Variants in PTGER2 observed in about 807,000 individuals in gnomAD.
The protein encoded by PTGER2 is prostaglandin E2 receptor EP2 subtype.
A neutral mutation model predicts 26.2 loss-of-function variants in PTGER2; 22 were observed. That is an observed-to-expected ratio of 0.84 (90% CI 0.60 to 1.20). The LOEUF (loss-of-function observed/expected upper bound fraction) is 1.20. Among genes scored for constraint, PTGER2 ranks in the 50% most tolerant of loss-of-function variants. PTGER2 has a pLI of 0.00. For synonymous variants in PTGER2, 219 were observed against 208.9 expected, an observed-to-expected ratio of 1.05 and a Z score of -0.42; for missense variants, 458 against 475.2, an observed-to-expected ratio of 0.96 and a Z score of 0.34.
intron 1 of PTGER2, among the ~76,000 whole-genome samples, chr14:52,323,956 G>C (rs1378665271): frequency 1.3e-5 from 2 of 152,162 alleles, no homozygotes; most frequent in Non-Finnish European, 2.9e-5. Flanking sequence ...GAATATCACT[G>C]ACATATTATT....
In PTGER2 at chr14:52,327,271, C is replaced by A. The variant is rs777059050; in HGVS notation, c.894C>A (p.Leu298=). The part of the protein sequence containing the change: ...ETSSRKEKWD[L]QALRFLSINS... ...CTTCCCGAAAGGAAAAATGGGACCT[C>A]CAAGCTCTTAGGTTTTTATCAATTA... Residue 298 remains leucine, a synonymous_variant, in exon 2 of 2, where the codon CTC becomes CTA. Coordinates refer to ENST00000245457, the MANE Select transcript of PTGER2 (RefSeq NM_000956.4). The A allele has an allele frequency of 2.5e-6, 4 of 1,613,674 alleles. No homozygotes were observed. The highest frequency in any genetic ancestry group is 3.4e-6 in the Non-Finnish European group (4 of 1,179,696).
In PTGER2 at chr14:52,315,064, G is replaced by A. The variant is rs2033821843; in HGVS notation, c.516G>A (p.Leu172=). ...AVSLLFCSLP[L]LDYGQYVQYC... Reference sequence around the variant, plus strand: ...CCCTGCTCTTCTGCTCGCTGCCGCTGCTGGACTATGGGCAGTACGTCCAGT... The same window carrying A: ...CCCTGCTCTTCTGCTCGCTGCCGCTACTGGACTATGGGCAGTACGTCCAGT... Residue 172 remains leucine, a synonymous_variant, in exon 1 of 2, where the codon CTG becomes CTA. Coordinates refer to ENST00000245457, the MANE Select transcript of PTGER2 (RefSeq NM_000956.4). The A allele has an allele frequency of 6.2e-7, 1 of 1,612,408 alleles. No homozygotes were observed. Among genetic ancestry groups the A allele is most frequent in the African/African-American group, 1.3e-5 (1 of 75,054 alleles).
intron 1 of PTGER2, among the ~76,000 whole-genome samples, chr14:52,323,915 A>T (rs959245607): frequency 6.6e-6 from 1 of 152,242 alleles, no homozygotes; most frequent in Non-Finnish European, 1.5e-5. Context: ...AAAGATGGAT[A>T]ACTTCTACCA....
chr14:52,319,462 G>A (rs1381404668), intron 1 of PTGER2, among the ~76,000 whole-genome samples: 1 of 152,168 alleles, frequency 6.6e-6, no homozygotes, highest in East Asian at 1.9e-4. Context: ...ACATTATTTT[G>A]GCTGCCCAGT....
At position 52,327,514 on chromosome 14, in the gene PTGER2, C is replaced by T; in HGVS notation, c.*60C>T. 2 of 1,374,788 alleles carry T rather than the reference C, an allele frequency of 1.5e-6. No individual in the cohort carries two copies. The highest frequency in any genetic ancestry group is 2.5e-5 in the South Asian group (2 of 78,442). The allele number at this position is 1,374,788 out of a possible 1,614,324, so 85.2% of individuals were successfully genotyped here. On this transcript the variant is annotated 3_prime_UTR_variant, in exon 2 of 2. Coordinates refer to ENST00000245457, the MANE Select transcript of PTGER2 (RefSeq NM_000956.4). ...TCTGGAAGATCATTTTGAAATTGTT[C>T]CTTGGAGAAATGAAAACAGTGTGTA... is the stretch of plus-strand genomic sequence containing the variant.
Position 52,314,625 on chromosome 14 carries a change from C to G in PTGER2, c.77C>G (p.Ala26Gly), listed in dbSNP as rs767948522. Residue 26 changes from alanine to glycine, a missense_variant, in exon 1 of 2, where the codon GCC becomes GGC. Transcript: ENST00000245457. This position sits in a 1 kb window ranked among gnomAD's most constrained non-coding sequence, Gnocchi z 5.7. ...RQWLPPGESP[A>G]ISSVMFSAGV... ...TGGCTTCCCCCAGGCGAAAGCCCAG[C>G]CATCAGCTCCGTCATGTTCTCGGCC... 2.0e-6 allele frequency: 3 copies of G among 1,511,240 alleles called. No homozygotes were observed. Among genetic ancestry groups the G allele is most frequent in the Non-Finnish European group, 2.7e-6 (3 of 1,129,490 alleles). 93.6% of individuals were successfully genotyped at this position (1,511,240 alleles called of 1,614,324 possible).
chr14:52,316,248 G>A (rs1338838664), intron 1 of PTGER2, among the ~76,000 whole-genome samples: 1 of 152,184 alleles, frequency 6.6e-6, no homozygotes, highest in Non-Finnish European at 1.5e-5. Context: ...GCTACCTGGG[G>A]AACTGAAGGA....
rs376819687 is a variant in PTGER2 at position 52,314,755 on chromosome 14, G to A, written c.207G>A (p.Val69=). 1 of 1,603,448 alleles carries A rather than the reference G, an allele frequency of 6.2e-7. No homozygotes were observed. The highest frequency in any genetic ancestry group is 8.5e-7 in the Non-Finnish European group (1 of 1,172,802). Residue 69 remains valine (V), a synonymous_variant, in exon 1 of 2, where the codon GTG becomes GTA. Coordinates refer to ENST00000245457, the MANE Select transcript of PTGER2 (RefSeq NM_000956.4). The surrounding 1 kb of genome is among the most constrained non-coding windows in gnomAD (Gnocchi z 5.7). ...GGAGCTCCCTCTCCTTGTTCCACGT[G>A]CTGGTGACCGAGCTGGTGTTCACCG... ...GRRSSLSLFH[V]LVTELVFTDL... is the part of the protein sequence containing the mutation.
chr14:52,322,988 A>G (rs1013785179), intron 1 of PTGER2, among the ~76,000 whole-genome samples: 2 of 152,256 alleles, frequency 1.3e-5, no homozygotes, highest in African/African-American at 4.8e-5. Flanking sequence ...AGTTAACACA[A>G]ATATCATAGT....
intron 1 of PTGER2, among the ~76,000 whole-genome samples, chr14:52,324,566 T>C (rs1340557880): frequency 6.6e-6 from 1 of 152,226 alleles, no homozygotes; most frequent in African/African-American, 2.4e-5. Flanking sequence ...AAGAAGAATT[T>C]AAGATGTCAA....
rs145084700 is a variant in PTGER2 at position 52,316,792 on chromosome 14, G to A, written c.843+1401G>A. ...ACCCTTCTACCCCATCCTCTGTCAG[G>A]GCAGAAACTGTTCTGAATTGGTTAC... On this transcript the variant is annotated intron_variant, in intron 1 of 1. Coordinates refer to ENST00000245457, the MANE Select transcript of PTGER2 (RefSeq NM_000956.4). 2.7e-3 allele frequency among the ~76,000 whole-genome samples: 406 copies of A among 152,176 alleles called. 9 individuals carry two copies. Among genetic ancestry groups the A allele is most frequent in the Admixed American group, 0.024 (362 of 15,280 alleles).
chr14:52,323,668 A>G (rs1594638917), intron 1 of PTGER2, among the ~76,000 whole-genome samples: 1 of 152,348 alleles, frequency 6.6e-6, no homozygotes, highest in East Asian at 1.9e-4. Context: ...AGCGCAAAAG[A>G]ATAGTACCTG....
intron 1 of PTGER2, 65 bp downstream of exon 1, chr14:52,315,456 C>A: frequency 1.3e-6 from 2 of 1,577,604 alleles, no homozygotes; most frequent in South Asian, 2.3e-5. Flanking sequence ...TCCCCTGACG[C>A]CTCCACCCTT....
Position 52,327,429 on chromosome 14 carries a change from A to T in PTGER2, c.1052A>T (p.Asp351Val). 5 of 1,610,988 alleles carry T rather than the reference A, an allele frequency of 3.1e-6. No homozygotes were observed. Among genetic ancestry groups the T allele is most frequent in the Non-Finnish European group, 4.2e-6 (5 of 1,177,322 alleles). Residue 351 changes from aspartate to valine, a missense_variant, in exon 2 of 2, where the codon GAT becomes GTT. Asp to Val is a radical substitution (Grantham distance 152, BLOSUM62 -3). Transcript: ENST00000245457. ...CAAACTTCCTGTTCTACACAGTCAG[A>T]TGCCAGTAAACAGGCTGACCTTTGA... ...ATQTSCSTQSDASKQADL is the reference protein window; with the variant it reads ...ATQTSCSTQSVASKQADL
chr14:52,314,988 G>T lies in PTGER2; in HGVS notation c.440G>T (p.Arg147Leu). The change falls in exon 1 of 2, where the codon CGC becomes CTC. Residue 147 changes from arginine to leucine, a missense_variant. By Grantham distance (102) the Arg-to-Leu change is moderately radical (BLOSUM62 -2). Coordinates refer to ENST00000245457, the MANE Select transcript of PTGER2 (RefSeq NM_000956.4). This position sits in a 1 kb window ranked among gnomAD's most constrained non-coding sequence, Gnocchi z 5.7. ...GGGCACCCCTACTTCTACCAGCGCC[G>T]CGTCTCGCGCTCCGGGGGCCTGGCC... The part of the protein sequence containing the change: ...SIGHPYFYQR[R>L]VSRSGGLAVL... 1 of 1,613,382 alleles carries T rather than the reference G, an allele frequency of 6.2e-7. No individual in the cohort carries two copies. The highest frequency in any genetic ancestry group is 8.5e-7 in the Non-Finnish European group (1 of 1,180,016).
chr14:52,327,228 C>T lies in PTGER2; in HGVS notation c.851C>T (p.Ala284Val), dbSNP rs1231911645. Residue 284 changes from alanine to valine, a missense_variant, in exon 2 of 2, where the codon GCA becomes GTA. Physicochemically the swap from Ala to Val is moderately conservative, Grantham distance 64 (BLOSUM62 0). Coordinates refer to ENST00000245457, the MANE Select transcript of PTGER2 (RefSeq NM_000956.4). Reference protein sequence around the residue: ...AVCSLPFTIFAYMNETSSRKE... With the variant: ...AVCSLPFTIFVYMNETSSRKE... ...CCCCTTTGCTTCTTACAGATTTTTG[C>T]ATATATGAATGAAACCTCTTCCCGA... is the stretch of plus-strand genomic sequence containing the variant. 1.3e-6 allele frequency: 2 copies of T among 1,593,080 alleles called. No homozygotes were observed. The highest frequency in any genetic ancestry group is 1.3e-5 in the African/African-American group (1 of 74,304).
chr14:52,314,997 G>A lies in PTGER2; in HGVS notation c.449G>A (p.Arg150His). ...TACTTCTACCAGCGCCGCGTCTCGC[G>A]CTCCGGGGGCCTGGCCGTGCTGCCT... is the stretch of plus-strand genomic sequence containing the variant. ...HPYFYQRRVSRSGGLAVLPVI... is the reference protein window; with the variant it reads ...HPYFYQRRVSHSGGLAVLPVI... The change falls in exon 1 of 2, where the codon CGC (arginine) becomes CAC (histidine). Residue 150 changes from arginine (R) to histidine (H), a missense_variant. By Grantham distance (29) the Arg-to-His change is conservative (BLOSUM62 0). Coordinates refer to ENST00000245457, the MANE Select transcript of PTGER2 (RefSeq NM_000956.4). This position sits in a 1 kb window ranked among gnomAD's most constrained non-coding sequence, Gnocchi z 5.7. The A allele has an allele frequency of 6.2e-7, 1 of 1,613,358 alleles. No homozygotes were observed. Among genetic ancestry groups the A allele is most frequent in the South Asian group, 1.1e-5 (1 of 91,068 alleles).
In PTGER2 at chr14:52,315,047, T is replaced by C. The variant is rs1261195799; in HGVS notation, c.499T>C (p.Phe167Leu). 1 of 1,612,844 alleles carries C rather than the reference T, an allele frequency of 6.2e-7. No individual in the cohort carries two copies. The highest frequency in any genetic ancestry group is 1.1e-5 in the South Asian group (1 of 91,068). The change falls in exon 1 of 2, where the codon TTC becomes CTC. Residue 167 changes from phenylalanine to leucine, a missense_variant. Coordinates refer to ENST00000245457, the MANE Select transcript of PTGER2 (RefSeq NM_000956.4). ...TGTCATCTATGCAGTCTCCCTGCTC[T>C]TCTGCTCGCTGCCGCTGCTGGACTA... ...LPVIYAVSLL[F>L]CSLPLLDYGQ...
In PTGER2 at chr14:52,314,884, C is replaced by T. The variant is rs151002714; in HGVS notation, c.336C>T (p.Phe112=). The change falls in exon 1 of 2, where the codon TTC becomes TTT. Residue 112 remains phenylalanine (F), a synonymous_variant. Transcript: ENST00000245457. The surrounding 1 kb of genome is among the most constrained non-coding windows in gnomAD (Gnocchi z 5.7). ...LAPESRACTY[F]AFAMTFFSLA... ...CCGAGAGCCGCGCGTGCACCTACTT[C>T]GCTTTCGCCATGACCTTCTTCAGCC... 36 of 1,612,936 alleles carry T rather than the reference C, an allele frequency of 2.2e-5. No individual in the cohort carries two copies. In the African/African-American group the frequency reaches 3.9e-4, roughly 17 times the overall value.
Sources: gnomAD v4.1 joint callset for allele counts (sites outside exome capture counted in the v4.1 genomes callset) on GRCh38, gnomAD v4.1.1 for gene constraint, Gnocchi (gnomAD v3.1) non-coding constraint, MANE v1.5 for transcripts, NCBI Gene and HGNC (gene_info 2026-07-23, HGNC 2026-07-21) for gene names.